The following SPATA6 variants were observed in gnomAD, a reference collection of about 807,000 sequenced individuals.
The protein encoded by SPATA6 is spermatogenesis associated 6, also known as spermatogenesis-associated protein 6.
A neutral mutation model predicts 65.3 loss-of-function variants in SPATA6; 56 were observed. The observed-to-expected ratio is 0.86, with a 90% CI of 0.69 to 1.07. SPATA6 has a LOEUF of 1.07. SPATA6 is among the 50% of genes least tolerant of loss of function. The pLI is 0.00. For synonymous variants in SPATA6, 199 were observed against 213.2 expected, an observed-to-expected ratio of 0.93 and a Z score of 0.58; for missense variants, 590 against 594.8, an observed-to-expected ratio of 0.99 and a Z score of 0.08.
Position 48,359,474 on chromosome 1 carries a change from A to C in SPATA6, c.1094+112T>G, listed in dbSNP as rs960389836. On this transcript the variant is annotated intron_variant, in intron 10 of 12. Transcript: ENST00000371847. ...TAAACAAAAACAATTTAAGCCTTTT[A>C]AAATCAAATTACACTTTTATAAACA... The C allele has an allele frequency of 1.9e-5, 24 of 1,251,576 alleles. No homozygotes were observed. The South Asian group carries it at 3.9e-4, about 20-fold the overall frequency. The allele number at this position is 1,251,576 out of a possible 1,614,324, so 77.5% of individuals were successfully genotyped here.
intron 11 of SPATA6, among the ~76,000 whole-genome samples, chr1:48,327,691 G>A (rs890182693): frequency 3.9e-5 from 6 of 152,104 alleles, no homozygotes; most frequent in African/African-American, 1.4e-4. Context: ...ATAGGCCAAT[G>A]TCCTAAATGA....
chr1:48,361,107 T>C (rs1031108843), intron 9 of SPATA6, among the ~76,000 whole-genome samples: 1 of 152,120 alleles, frequency 6.6e-6, no homozygotes, highest in South Asian at 2.1e-4. Flanking sequence ...AATTGGTAAT[T>C]ACTAGAGTCT....
intron 1 of SPATA6, among the ~76,000 whole-genome samples, chr1:48,454,932 G>A (rs922602053): frequency 7.9e-5 from 12 of 152,108 alleles, no homozygotes; most frequent in Admixed American, 1.3e-4. Context: ...ACACTATTAC[G>A]TTGAATAAAT....
intron 10 of SPATA6, among the ~76,000 whole-genome samples, chr1:48,357,483 TCTTAGAGAAAACTTA>T (rs1646692256): frequency 6.6e-6 from 1 of 152,134 alleles, no homozygotes; most frequent in Non-Finnish European, 1.5e-5. Flanking sequence ...TTTACTGCAA[TCTTAGAGAAAACTTA>T]CTTAATTTCA....
At chr1:48,461,065 G>A (rs936735572) in intron 1 of SPATA6, among the ~76,000 whole-genome samples, 1 of 152,028 alleles carries the variant, frequency 6.6e-6, no homozygotes, top group African/African-American at 2.4e-5. Flanking sequence ...AGACAGGAGA[G>A]AACAGCAGAA....
chr1:48,468,799 G>A (rs894503181), intron 1 of SPATA6, among the ~76,000 whole-genome samples: 1 of 152,156 alleles, frequency 6.6e-6, no homozygotes, highest in African/African-American at 2.4e-5. Context: ...AACCTTGACT[G>A]GATCCCGGTT....
chr1:48,399,647 A>G lies in SPATA6; in HGVS notation c.487-3T>C, dbSNP rs1363301477. 1 of 1,556,744 alleles carries G rather than the reference A, an allele frequency of 6.4e-7. No individual in the cohort carries two copies. The highest frequency in any genetic ancestry group is 8.7e-7 in the Non-Finnish European group (1 of 1,155,200). ...GCCAAATGGTAAATAAATTTATCCT[A>G]AACATAAAAAATAAAAATTAACTTG... is the stretch of plus-strand genomic sequence containing the variant. On this transcript the variant is annotated splice_region_variant and splice_polypyrimidine_tract_variant and intron_variant, in intron 6 of 12. Transcript: ENST00000371847.
chr1:48,291,120 T>TA (rs1224190244), downstream of SPATA6, among the ~76,000 whole-genome samples: 1 of 152,192 alleles, frequency 6.6e-6, no homozygotes, highest in Non-Finnish European at 1.5e-5. Flanking sequence ...CAGCAAATGT[T>TA]AAAGAACAGA....
intron 11 of SPATA6, among the ~76,000 whole-genome samples, chr1:48,311,929 A>G (rs1228183211): frequency 6.6e-6 from 1 of 152,188 alleles, no homozygotes; most frequent in African/African-American, 2.4e-5. Context: ...GTATCCCGCG[A>G]TTGGCTTGGA....
intron 9 of SPATA6, among the ~76,000 whole-genome samples, chr1:48,372,449 G>A (rs950218380): frequency 2.6e-5 from 4 of 152,160 alleles, no homozygotes; most frequent in Non-Finnish European, 5.9e-5. Flanking sequence ...ATGGTGTTAG[G>A]CAGCTCCACC....
the SPATA6 span, among the ~76,000 whole-genome samples, chr1:48,271,725 T>C: frequency 6.6e-6 from 1 of 152,144 alleles, no homozygotes; most frequent in Non-Finnish European, 1.5e-5. Context: ...CCCAAATCAC[T>C]GACCAGTAAA....
intron 11 of SPATA6, among the ~76,000 whole-genome samples, chr1:48,328,575 T>A (rs72891580): frequency 3.3e-5 from 5 of 152,088 alleles, no homozygotes; most frequent in African/African-American, 1.2e-4. Flanking sequence ...GAATTGGACT[T>A]GTTGCTGCTT....
intron 5 of SPATA6, among the ~76,000 whole-genome samples, chr1:48,410,787 C>T (rs537119312): frequency 2.2e-4 from 33 of 152,236 alleles, no homozygotes; most frequent in South Asian, 1.7e-3. Context: ...GAGAACAGCA[C>T]GGGGGAAACC....
chr1:48,320,161 A>T (rs1645559679), intron 11 of SPATA6, among the ~76,000 whole-genome samples: 2 of 152,216 alleles, frequency 1.3e-5, no homozygotes, highest in African/African-American at 4.8e-5. Context: ...GGCCTTAAAG[A>T]GGAGGTAGAA....
chr1:48,400,387 T>G (rs1309666781), intron 6 of SPATA6, among the ~76,000 whole-genome samples: 1 of 151,974 alleles, frequency 6.6e-6, no homozygotes, highest in East Asian at 1.9e-4. Flanking sequence ...AATTCTAACT[T>G]TTTTATTATT....
At chr1:48,363,611 A>G (rs1646889169) in intron 9 of SPATA6, among the ~76,000 whole-genome samples, 1 of 152,016 alleles carries the variant, frequency 6.6e-6, no homozygotes, top group Non-Finnish European at 1.5e-5. Flanking sequence ...TTTTTTTTAC[A>G]TTTATGAAAA....
chr1:48,400,877 T>C, intron 6 of SPATA6: 1 of 1,243,982 alleles, frequency 8.0e-7, no homozygotes, highest in Non-Finnish European at 1.0e-6. Flanking sequence ...TCAGAATTTT[T>C]CTACCATATC....
intron 9 of SPATA6, among the ~76,000 whole-genome samples, chr1:48,384,482 T>C (rs971976901): frequency 6.7e-6 from 1 of 149,618 alleles, no homozygotes; most frequent in Admixed American, 6.7e-5. Context: ...TACTTTCACT[T>C]AGGGACAGAA....
At chr1:48,293,724 A>C (rs1644783336), downstream of SPATA6, among the ~76,000 whole-genome samples, 1 of 152,184 alleles carries the variant, frequency 6.6e-6, no homozygotes, top group Non-Finnish European at 1.5e-5. Flanking sequence ...AGTAAGTGGA[A>C]TTTCTAAGGC....
Sources: gnomAD v4.1 joint callset for allele counts (sites outside exome capture counted in the v4.1 genomes callset) on GRCh38, gnomAD v4.1.1 for gene constraint, MANE v1.5 for transcripts, NCBI Gene and HGNC (gene_info 2026-07-23, HGNC 2026-07-21) for gene names.